CDK14: variants seen among roughly 807,000 people sequenced by gnomAD.
CDK14 encodes the protein cyclin dependent kinase 14.
Under a neutral mutation model 60.7 loss-of-function variants are expected in CDK14, and 34 were observed. The ratio of observed to expected loss-of-function variants is 0.56; its 90% confidence interval spans 0.43 to 0.75. The LOEUF (loss-of-function observed/expected upper bound fraction) is 0.75. Ranked by LOEUF, CDK14 falls within the 30% of genes least tolerant of loss-of-function variation. CDK14 has a pLI of 0.00. For synonymous variants in CDK14, 197 were observed against 203.7 expected, an observed-to-expected ratio of 0.97 and a Z score of 0.28; for missense variants, 482 against 564.1, an observed-to-expected ratio of 0.85 and a Z score of 1.47.
chr7:90,872,492 T>A (rs1791400637), intron 6 of CDK14, among the ~76,000 whole-genome samples: 2 of 152,152 alleles, frequency 1.3e-5, no homozygotes, highest in African/African-American at 4.8e-5. Context: ...TTTCAGTCAG[T>A]GCTCTCTTAG....
At chr7:91,103,702 T>C (rs1329728754) in intron 12 of CDK14, among the ~76,000 whole-genome samples, 1 of 152,158 alleles carries the variant, frequency 6.6e-6, no homozygotes, top group Non-Finnish European at 1.5e-5. Flanking sequence ...ATTTCTGAGG[T>C]ATAAAAACTA....
chr7:90,686,903 A>G (rs1801449916), intron 2 of CDK14, among the ~76,000 whole-genome samples: 1 of 152,158 alleles, frequency 6.6e-6, no homozygotes, highest in Non-Finnish European at 1.5e-5. Context: ...TGGTTCAATT[A>G]TATTGTATGA....
At chr7:90,857,102 A>G (rs1340504946) in intron 5 of CDK14, among the ~76,000 whole-genome samples, 1 of 140,364 alleles carries the variant, frequency 7.1e-6, no homozygotes, top group Non-Finnish European at 1.6e-5. Context: ...CCCCTTTATT[A>G]ACAATGGTTT....
At chr7:90,622,637 A>C (rs530508266) in intron 2 of CDK14, among the ~76,000 whole-genome samples, 1 of 152,214 alleles carries the variant, frequency 6.6e-6, no homozygotes, top group East Asian at 1.9e-4. Flanking sequence ...TCCCTTCTCT[A>C]AGTGGGTAGT....
chr7:90,851,290 A>G (rs1790638722), intron 5 of CDK14, among the ~76,000 whole-genome samples: 2 of 152,084 alleles, frequency 1.3e-5, no homozygotes, highest in East Asian at 1.9e-4. Flanking sequence ...TGAATCAATC[A>G]CCCTGTGTAT....
chr7:90,752,727 C>T (rs1803896217), intron 4 of CDK14, among the ~76,000 whole-genome samples: 1 of 151,928 alleles, frequency 6.6e-6, no homozygotes, highest in Admixed American at 6.6e-5. Context: ...AAAGTTGGTT[C>T]TTTGAAAGGA....
intron 14 of CDK14, among the ~76,000 whole-genome samples, chr7:91,153,223 A>G (rs1800873638): frequency 1.3e-5 from 2 of 152,218 alleles, no homozygotes; most frequent in African/African-American, 4.8e-5. Flanking sequence ...GCAGCAAACA[A>G]TAAGTATTTA....
At chr7:90,706,776 C>A (rs550334418) in intron 2 of CDK14, among the ~76,000 whole-genome samples, 1 of 152,224 alleles carries the variant, frequency 6.6e-6, no homozygotes, top group African/African-American at 2.4e-5. Context: ...TGTGACTGAA[C>A]CATAGTTGGA....
chr7:91,022,091 A>G (rs561582606), intron 10 of CDK14, among the ~76,000 whole-genome samples: 2 of 152,264 alleles, frequency 1.3e-5, no homozygotes, highest in African/African-American at 4.8e-5. Flanking sequence ...CTGTGCTGAG[A>G]GCTGCTGGTG....
At chr7:90,726,361 G>A (rs1460547600) in intron 2 of CDK14, 1 of 1,332,152 alleles carries the variant, frequency 7.5e-7, no homozygotes, top group African/African-American at 1.5e-5. Context: ...TTTAGTGTAA[G>A]CTCTAGTGTG....
intron 2 of CDK14, among the ~76,000 whole-genome samples, chr7:90,655,247 G>A (rs539591180): frequency 1.6e-4 from 24 of 152,234 alleles, no homozygotes; most frequent in African/African-American, 5.3e-4. Flanking sequence ...ATGTAACATA[G>A]TTTGTTTTTC....
chr7:91,138,381 C>A (rs1800349040), intron 14 of CDK14, among the ~76,000 whole-genome samples: 1 of 152,048 alleles, frequency 6.6e-6, no homozygotes, highest in Non-Finnish European at 1.5e-5. Flanking sequence ...CTTAGAGCCT[C>A]TTGCTAAAAT....
intron 6 of CDK14, among the ~76,000 whole-genome samples, chr7:90,876,940 G>A (rs191372446): frequency 6.6e-6 from 1 of 152,214 alleles, no homozygotes; most frequent in Admixed American, 6.5e-5. Flanking sequence ...TTAGATTATT[G>A]TCCATTCAAT....
chr7:90,778,768 C>T (rs1337537727), intron 4 of CDK14, among the ~76,000 whole-genome samples: 1 of 151,922 alleles, frequency 6.6e-6, no homozygotes, highest in Non-Finnish European at 1.5e-5. Flanking sequence ...GTTCCATCTG[C>T]CTGGAATGTT....
At chr7:90,646,628 C>CT (rs1800473823) in intron 2 of CDK14, among the ~76,000 whole-genome samples, 1 of 152,076 alleles carries the variant, frequency 6.6e-6, no homozygotes, top group African/African-American at 2.4e-5. Flanking sequence ...CAGACATTTT[C>CT]TTTGCCTATG....
At chr7:90,915,356 A>G (rs1793046968) in intron 7 of CDK14, among the ~76,000 whole-genome samples, 1 of 152,132 alleles carries the variant, frequency 6.6e-6, no homozygotes, top group Admixed American at 6.5e-5. Context: ...GGAGAATGGC[A>G]TGAACCCGGG....
intron 2 of CDK14, among the ~76,000 whole-genome samples, chr7:90,703,000 CTGT>C (rs1364326148): frequency 1.4e-5 from 2 of 146,240 alleles, no homozygotes; most frequent in African/African-American, 5.1e-5. Context: ...AATATGTTTT[CTGT>C]TGTTGTTGTT....
intron 10 of CDK14, among the ~76,000 whole-genome samples, chr7:91,030,467 C>A (rs1385843115): frequency 6.6e-6 from 1 of 152,152 alleles, no homozygotes; most frequent in Non-Finnish European, 1.5e-5. Flanking sequence ...GCTCTCCCTC[C>A]CAACCACTGC....
intron 3 of CDK14, among the ~76,000 whole-genome samples, chr7:90,745,004 A>AT (rs1332673924): frequency 6.6e-6 from 1 of 151,590 alleles, no homozygotes; most frequent in Admixed American, 6.6e-5. Flanking sequence ...CTTTCATTGC[A>AT]TTTTTTTTCC....
Sources: gnomAD v4.1 joint callset for allele counts (sites outside exome capture counted in the v4.1 genomes callset) on GRCh38, gnomAD v4.1.1 for gene constraint, MANE v1.5 for transcripts, NCBI Gene and HGNC (gene_info 2026-07-23, HGNC 2026-07-21) for gene names.